ADD2: variants seen among roughly 807,000 people sequenced by gnomAD.
ADD2 encodes beta-adducin.
ADD2 carries 23 observed loss-of-function variants against 83.0 expected under a neutral mutation model. The observed-to-expected ratio is 0.28, with a 90% CI of 0.20 to 0.39. ADD2 has a LOEUF of 0.39. Ranked by LOEUF, ADD2 falls within the 10% of genes least tolerant of loss-of-function variation. ADD2 has a pLI of 1.00. For missense variants in ADD2, 758 were observed against 944.9 expected (o/e 0.80, Z 2.59); for synonymous variants, 375 against 375.4 (o/e 1.00, Z 0.01).
chr2:70,711,952 C>T (rs1203381080), intron 2 of ADD2, among the ~76,000 whole-genome samples: 1 of 152,046 alleles, frequency 6.6e-6, no homozygotes, highest in African/African-American at 2.4e-5. Flanking sequence ...GTGACCTTGT[C>T]CTTTATCTTG....
intron 4 of ADD2, 58 bp downstream of exon 4, chr2:70,704,263 T>TGGCCCCCCCCACCCCCCCCCC: frequency 1.1e-6 from 1 of 913,238 alleles, no homozygotes; most frequent in Non-Finnish European, 1.7e-6. Context: ...CTCCCTCTCT[T>TGGCCCCCCCCACCCCCCCCCC]CCCCACCCCA....
chr2:70,721,919 C>G (rs186449412), intron 1 of ADD2, among the ~76,000 whole-genome samples: 3 of 152,242 alleles, frequency 2.0e-5, no homozygotes, highest in African/African-American at 7.2e-5. Flanking sequence ...AATACTTAGG[C>G]GAGCCCACAA....
chr2:70,689,330 A>G (rs782105593), intron 8 of ADD2, among the ~76,000 whole-genome samples: 39 of 152,330 alleles, frequency 2.6e-4, no homozygotes, highest in African/African-American at 4.8e-4. Context: ...CTGGAACCAG[A>G]TGACACCAGC....
intron 1 of ADD2, among the ~76,000 whole-genome samples, chr2:70,744,494 G>A (rs534731825): frequency 2.6e-5 from 4 of 152,302 alleles, no homozygotes; most frequent in African/African-American, 9.6e-5. Context: ...GGAAGGCTGA[G>A]ATATAAATGA....
At chr2:70,763,439 G>A (rs1675220973) in intron 1 of ADD2, among the ~76,000 whole-genome samples, 1 of 151,988 alleles carries the variant, frequency 6.6e-6, no homozygotes, top group Non-Finnish European at 1.5e-5. Context: ...GTGTGTCCCT[G>A]TACATAGTTC....
rs1553364977 is a variant in ADD2, at chr2:70,661,406, T to C, written c.*2019A>G. On this transcript the variant is annotated 3_prime_UTR_variant, in exon 16 of 16. Transcript: ENST00000264436. ...GATTGGCTTTTAAAGGCATTTCCCA[T>C]ATGACAGATTTTTCTGAGGCATGAG... 6.6e-6 allele frequency: 1 copy of C among 152,180 alleles called. No individual in the cohort carries two copies. 9.4% of individuals were successfully genotyped at this position (152,180 alleles called of 1,614,324 possible).
intron 13 of ADD2, 192 bp from the exon 14 acceptor site, chr2:70,675,017 A>C: frequency 7.4e-7 from 1 of 1,348,482 alleles, no homozygotes; most frequent in South Asian, 2.0e-5. Context: ...TTACCCCTAG[A>C]TTTTGCAACT....
chr2:70,710,591 T>C (rs1207300484), intron 2 of ADD2, among the ~76,000 whole-genome samples: 1 of 152,228 alleles, frequency 6.6e-6, no homozygotes, highest in Non-Finnish European at 1.5e-5. Flanking sequence ...ATCACAGGCA[T>C]CCTCTTGTGC....
chr2:70,761,599 A>AG (rs1553384965), intron 1 of ADD2, among the ~76,000 whole-genome samples: 1 of 150,660 alleles, frequency 6.6e-6, no homozygotes, highest in East Asian at 1.9e-4. Flanking sequence ...CAGAAAAAAA[A>AG]AAAAAAAAAA....
chr2:70,719,777 G>T (rs572807690), intron 1 of ADD2, among the ~76,000 whole-genome samples: 1 of 152,306 alleles, frequency 6.6e-6, no homozygotes, highest in South Asian at 2.1e-4. Context: ...CCTGCCTTTG[G>T]CCTTCAGGCA....
intron 1 of ADD2, among the ~76,000 whole-genome samples, chr2:70,724,175 C>T (rs57709942): frequency 7.2e-4 from 110 of 152,306 alleles, no homozygotes; most frequent in African/African-American, 2.6e-3. Flanking sequence ...ACTCAATATA[C>T]ATACTTTCAA....
chr2:70,694,383 A>G (rs1229223160), intron 6 of ADD2, among the ~76,000 whole-genome samples: 1 of 152,170 alleles, frequency 6.6e-6, no homozygotes, highest in African/African-American at 2.4e-5. Flanking sequence ...TACAACAGAA[A>G]TCTGCTTGCA....
Position 70,675,363 on chromosome 2 carries a change from T to A in ADD2, c.1594-538A>T, listed in dbSNP as rs532220382. 7 of 985,998 alleles carry A rather than the reference T, an allele frequency of 7.1e-6. 1 individual carries two copies. In the South Asian group the frequency reaches 3.3e-4, roughly 46 times the overall value. The allele number at this position is 985,998 out of a possible 1,614,324, so 61.1% of individuals were successfully genotyped here. ...GTTAGTCCTGTTTCACACACAGTTG[T>A]AAGTGACAAAGGGGCCAAGGTTCCT... On this transcript the variant is annotated intron_variant, in intron 13 of 15. Coordinates refer to ENST00000264436, the MANE Select transcript of ADD2 (RefSeq NM_001617.4).
intron 10 of ADD2, 109 bp downstream of exon 10, chr2:70,683,482 T>C (rs1425799925): frequency 1.3e-4 from 160 of 1,193,980 alleles, no homozygotes; most frequent in Non-Finnish European, 1.8e-4. Flanking sequence ...TTCAACAACC[T>C]AGTTGTGATG....
chr2:70,685,357 A>G (rs1186075364), intron 9 of ADD2, among the ~76,000 whole-genome samples: 1 of 151,970 alleles, frequency 6.6e-6, no homozygotes, highest in Non-Finnish European at 1.5e-5. Flanking sequence ...CTCCCAGGTG[A>G]CCCCCGTCAC....
chr2:70,668,888 C>T (rs1669786910), intron 15 of ADD2, among the ~76,000 whole-genome samples: 2 of 152,182 alleles, frequency 1.3e-5, no homozygotes, highest in Admixed American at 6.5e-5. Flanking sequence ...GATTTGCTGA[C>T]GCGCTTCTGA....
chr2:70,675,043 G>A, intron 13 of ADD2: 1 of 1,316,496 alleles, frequency 7.6e-7, no homozygotes, highest in South Asian at 2.3e-5. Context: ...GATGAATATA[G>A]GGGGTCCACA....
intron 1 of ADD2, among the ~76,000 whole-genome samples, chr2:70,739,909 A>G (rs1159096259): frequency 2.0e-5 from 3 of 152,218 alleles, no homozygotes; most frequent in Non-Finnish European, 2.9e-5. Context: ...CAGAAAAAAT[A>G]ACTACTGCAT....
chr2:70,758,822 A>G (rs1276154788), intron 1 of ADD2, among the ~76,000 whole-genome samples: 1 of 152,072 alleles, frequency 6.6e-6, no homozygotes, highest in African/African-American at 2.4e-5. Context: ...ATAATAAACT[A>G]TGGATGGAGG....
Sources: allele counts gnomAD v4.1 joint callset (sites outside exome capture counted in the v4.1 genomes callset), GRCh38; gene constraint gnomAD v4.1.1; transcripts MANE v1.5; gene names NCBI Gene and HGNC (gene_info 2026-07-23, HGNC 2026-07-21).